Variants in NLK observed in about 807,000 individuals in gnomAD.
NLK encodes nemo like kinase.
Under a neutral mutation model 59.0 loss-of-function variants are expected in NLK, and 11 were observed. The observed-to-expected ratio is 0.19, with a 90% CI of 0.12 to 0.31. The LOEUF (loss-of-function observed/expected upper bound fraction) is 0.31, where lower values mean the gene tolerates loss of function less well. Ranked by LOEUF, NLK falls within the 10% of genes least tolerant of loss-of-function variation. The probability of loss-of-function intolerance (pLI) is 1.00; values close to 1 mark genes in which losing one functional copy is unlikely to be tolerated. For synonymous variants in NLK, 235 were observed against 235.9 expected (o/e 1.00, Z 0.03); for missense variants, 410 against 661.1 (o/e 0.62, Z 4.16).
At chr17:28,172,677 C>A in intron 7 of NLK, 59 bp downstream of exon 7, 1 of 951,114 alleles carries the variant, frequency 1.1e-6, no homozygotes, top group Non-Finnish European at 1.5e-6. Context: ...ATTTCCCTTC[C>A]AATAGAGTAA....
At chr17:28,149,618 C>G (rs916874785) in intron 3 of NLK, among the ~76,000 whole-genome samples, 3 of 152,046 alleles carry the variant, frequency 2.0e-5, no homozygotes, top group Admixed American at 6.6e-5. Context: ...GCTCTTATTC[C>G]TGGTGGCTCT....
At chr17:28,110,450 G>A (rs545818690) in intron 1 of NLK, among the ~76,000 whole-genome samples, 2 of 148,272 alleles carry the variant, frequency 1.3e-5, no homozygotes, top group South Asian at 4.2e-4. Context: ...TTGTCTAGGC[G>A]TGGATCTCTT....
At chr17:28,134,923 A>G (rs1409508573) in intron 3 of NLK, among the ~76,000 whole-genome samples, 2 of 152,238 alleles carry the variant, frequency 1.3e-5, no homozygotes, top group Non-Finnish European at 2.9e-5. Flanking sequence ...CTGAGGAGAA[A>G]GCATTAATGA....
At chr17:28,068,357 AAG>A (rs1458796697) in intron 1 of NLK, among the ~76,000 whole-genome samples, 2 of 152,152 alleles carry the variant, frequency 1.3e-5, no homozygotes, top group Non-Finnish European at 2.9e-5. Context: ...AGAAGGGGGA[AAG>A]AGTAAAATAA....
the NLK span, among the ~76,000 whole-genome samples, chr17:28,203,200 C>CACACACACACACACACACACACACACAG: frequency 7.9e-5 from 12 of 151,082 alleles, no homozygotes; most frequent in African/African-American, 2.9e-4. Context: ...CACACACACA[C>CACACACACACACACACACACACACACAG]AGTCTCAGTC....
At chr17:28,179,872 GTTTTTTTTTTTT>G (rs34411493) in intron 7 of NLK, among the ~76,000 whole-genome samples, 3 of 79,412 alleles carry the variant, frequency 3.8e-5, no homozygotes, top group Admixed American at 1.5e-4. Flanking sequence ...AGCATTCTTG[GTTTTTTTTTTTT>G]TTTTTTTTTT....
intron 3 of NLK, among the ~76,000 whole-genome samples, chr17:28,148,880 T>C (rs1196408873): frequency 1.3e-5 from 2 of 152,196 alleles, no homozygotes; most frequent in African/African-American, 2.4e-5. Flanking sequence ...TGTCTTTGGA[T>C]TCAATTTCTT....
chr17:28,192,238 A>G, intron 10 of NLK, 25 bp downstream of exon 10: 3 of 1,237,140 alleles, frequency 2.4e-6, no homozygotes, highest in Non-Finnish European at 3.5e-6. Flanking sequence ...GTAATTCAAC[A>G]TTCTTGTTAG....
intron 8 of NLK, among the ~76,000 whole-genome samples, chr17:28,189,661 A>G (rs1029758049): frequency 6.6e-6 from 1 of 152,242 alleles, no homozygotes; most frequent in Non-Finnish European, 1.5e-5. Flanking sequence ...CTGTCAGCCT[A>G]CTTGTTCCTT....
intron 1 of NLK, among the ~76,000 whole-genome samples, chr17:28,111,896 G>GTT (rs1394476582): frequency 5.9e-5 from 4 of 67,484 alleles, no homozygotes. Flanking sequence ...GTGTGTGTGT[G>GTT]GTGTGTGTGT....
chr17:28,205,998 A>AT, the NLK span, among the ~76,000 whole-genome samples: 1 of 152,222 alleles, frequency 6.6e-6, no homozygotes, highest in Non-Finnish European at 1.5e-5. Flanking sequence ...CCTAGTAGTC[A>AT]TTTCTGTATG....
At chr17:28,132,013 A>G (rs555275776) in intron 2 of NLK, among the ~76,000 whole-genome samples, 9 of 152,266 alleles carry the variant, frequency 5.9e-5, no homozygotes, top group African/African-American at 2.2e-4. Context: ...GTGTCTTTAC[A>G]CTGCCTGCCC....
At chr17:28,082,477 G>T (rs918474728) in intron 1 of NLK, among the ~76,000 whole-genome samples, 3 of 152,166 alleles carry the variant, frequency 2.0e-5, no homozygotes, top group African/African-American at 7.2e-5. Flanking sequence ...GTGAGTTTCT[G>T]CTAATATGTT....
chr17:28,065,669 T>C (rs1909800860), intron 1 of NLK, among the ~76,000 whole-genome samples: 1 of 152,180 alleles, frequency 6.6e-6, no homozygotes, highest in South Asian at 2.1e-4. Flanking sequence ...AGGTGAATGT[T>C]CCTCCTAGTG....
rs145018655 is a variant in NLK at position 28,138,156 on chromosome 17, A to C, written c.644+5481A>C. The stretch of plus-strand genomic sequence containing the variant: ...GGATTCTGGATGCTCTACAATGCAC[A>C]TTAACAGGCCCCTTCCCAGAAAGCA... On this transcript the variant is annotated intron_variant, in intron 3 of 10. Coordinates refer to ENST00000407008, the MANE Select transcript of NLK (RefSeq NM_016231.5). 1.8e-3 allele frequency among the ~76,000 whole-genome samples: 279 copies of C among 152,338 alleles called. 1 individual carries two copies. The highest frequency in any genetic ancestry group is 6.3e-3 in the African/African-American group (263 of 41,588).
the NLK span, among the ~76,000 whole-genome samples, chr17:28,204,533 A>G: frequency 6.6e-6 from 1 of 152,308 alleles, no homozygotes; most frequent in Admixed American, 6.5e-5. Context: ...CCATGCAGCC[A>G]TTGAAAGTGA....
At chr17:28,061,903 A>ATATAT (rs1909667203) in intron 1 of NLK, 1 of 144,716 alleles carries the variant, frequency 6.9e-6, no homozygotes, top group African/African-American at 2.5e-5. Context: ...ACATATACAT[A>ATATAT]CATATATACA....
At chr17:28,162,125 C>T (rs1908032695) in intron 4 of NLK, among the ~76,000 whole-genome samples, 1 of 152,080 alleles carries the variant, frequency 6.6e-6, no homozygotes. Context: ...ACGCCATTCT[C>T]CTGCCTCAGC....
intron 6 of NLK, among the ~76,000 whole-genome samples, chr17:28,169,787 C>G (rs1339051760): frequency 6.9e-6 from 1 of 144,672 alleles, no homozygotes; most frequent in Non-Finnish European, 1.5e-5. Flanking sequence ...AGTAGGAAAG[C>G]TGAAAACGGG....
Sources: allele counts gnomAD v4.1 joint callset (sites outside exome capture counted in the v4.1 genomes callset), GRCh38; gene constraint gnomAD v4.1.1; transcripts MANE v1.5; gene names NCBI Gene and HGNC (gene_info 2026-07-23, HGNC 2026-07-21).